The following RNF130 variants were observed in gnomAD, a reference collection of about 807,000 sequenced individuals.
RNF130 encodes the protein ring finger protein 130.
A neutral mutation model predicts 44.6 loss-of-function variants in RNF130; 21 were observed. That is an observed-to-expected ratio of 0.47 (90% CI 0.33 to 0.68). The LOEUF is 0.68. RNF130 is among the 30% of genes least tolerant of loss of function. The pLI is 0.02. For missense variants in RNF130, 479 were observed against 560.6 expected (o/e 0.85, Z 1.47); for synonymous variants, 214 against 210.4 (o/e 1.02, Z -0.15).
At chr5:180,061,543 A>G (rs1418700624) in intron 1 of RNF130, among the ~76,000 whole-genome samples, 4 of 152,184 alleles carry the variant, frequency 2.6e-5, no homozygotes, top group African/African-American at 9.7e-5. Flanking sequence ...AACCACCTCC[A>G]GCCCCTCTCC....
At chr5:180,018,300 AAAAAAAAAGAAAAGAAAAG>A (rs1017921060) in intron 2 of RNF130, among the ~76,000 whole-genome samples, 17 of 152,058 alleles carry the variant, frequency 1.1e-4, no homozygotes, top group Admixed American at 3.9e-4. Flanking sequence ...ATCTCAAAAA[AAAAAAAAAGAAAAGAAAAG>A]AAAAAAAGAA....
At chr5:179,918,051 T>C (rs1254310322) in exon 8 of RNF130, 2 of 152,048 alleles carry the variant, frequency 1.3e-5, no homozygotes, top group Non-Finnish European at 2.9e-5. Flanking sequence ...CAAATCATCC[T>C]CTCTGTTCCT....
intron 2 of RNF130, among the ~76,000 whole-genome samples, chr5:180,032,215 ATTTT>A (rs777414950): frequency 1.3e-4 from 20 of 152,024 alleles, no homozygotes; most frequent in Non-Finnish European, 2.6e-4. Flanking sequence ...ATAAAATCTA[ATTTT>A]TTTTATAAAC....
In RNF130 at chr5:179,955,471, A is replaced by T; in HGVS notation, c.*183T>A. ...ACAGGTCTGGTTAATAAGACTCAACAGCACAGACTTTTTATTTTATTATTT... is the reference window on the plus strand; with the variant it reads ...ACAGGTCTGGTTAATAAGACTCAACTGCACAGACTTTTTATTTTATTATTT... On this transcript the variant is annotated 3_prime_UTR_variant, in exon 9 of 9. Coordinates refer to ENST00000521389, the MANE Select transcript of RNF130 (RefSeq NM_018434.6). The T allele has an allele frequency of 1.9e-6, 1 of 528,726 alleles. No homozygotes were observed. Among genetic ancestry groups the T allele is most frequent in the Non-Finnish European group, 3.3e-6 (1 of 299,032 alleles). The allele number at this position is 528,726 out of a possible 1,614,324, so 32.8% of individuals were successfully genotyped here. A position where few individuals can be genotyped will look rare whatever the true frequency, so the allele number is the denominator to read the frequency against.
At chr5:179,990,347 T>C (rs1763052768) in intron 3 of RNF130, among the ~76,000 whole-genome samples, 1 of 152,236 alleles carries the variant, frequency 6.6e-6, no homozygotes, top group African/African-American at 2.4e-5. Context: ...TCATCATTTC[T>C]TCTATGCTCT....
intron 1 of RNF130, among the ~76,000 whole-genome samples, chr5:180,045,799 G>C (rs1252046275): frequency 3.9e-5 from 6 of 152,228 alleles, no homozygotes; most frequent in Non-Finnish European, 7.3e-5. Flanking sequence ...GCTAGACACA[G>C]AGCAGTGACT....
chr5:179,923,039 A>C (rs1582121606), intron 7 of RNF130, among the ~76,000 whole-genome samples: 1 of 152,344 alleles, frequency 6.6e-6, no homozygotes, highest in East Asian at 1.9e-4. Flanking sequence ...GAAGATTAAA[A>C]GTTTCAAATT....
chr5:180,005,175 C>G (rs1332962794), intron 3 of RNF130, among the ~76,000 whole-genome samples: 1 of 152,164 alleles, frequency 6.6e-6, no homozygotes, highest in East Asian at 1.9e-4. Context: ...TGCCTGTAAT[C>G]CCAGCACTTT....
intron 2 of RNF130, among the ~76,000 whole-genome samples, chr5:180,026,509 A>C (rs892452718): frequency 2.6e-5 from 4 of 152,238 alleles, no homozygotes; most frequent in African/African-American, 9.6e-5. Context: ...GTAACAAGTG[A>C]AACCACACAA....
intron 8 of RNF130, among the ~76,000 whole-genome samples, chr5:179,961,351 A>G (rs1006872868): frequency 2.0e-5 from 3 of 152,228 alleles, no homozygotes; most frequent in Non-Finnish European, 2.9e-5. Flanking sequence ...CAACTGTGAA[A>G]TCAACCCTCT....
chr5:179,973,192 C>A (rs532729594), intron 5 of RNF130, among the ~76,000 whole-genome samples: 38 of 152,302 alleles, frequency 2.5e-4, no homozygotes, highest in African/African-American at 8.9e-4. Context: ...GTGCAACTCA[C>A]CCAGAGATCT....
At chr5:179,958,972 C>T (rs776103807) in intron 8 of RNF130, among the ~76,000 whole-genome samples, 8 of 152,138 alleles carry the variant, frequency 5.3e-5, no homozygotes, top group African/African-American at 1.7e-4. Flanking sequence ...TTAGCTACCA[C>T]GCCAGGCCAC....
intron 7 of RNF130, among the ~76,000 whole-genome samples, chr5:179,923,330 T>C (rs1199355121): frequency 6.6e-6 from 1 of 152,244 alleles, no homozygotes; most frequent in Non-Finnish European, 1.5e-5. Flanking sequence ...TTGGCACCTT[T>C]ATGGAAAATC....
At chr5:180,036,162 T>A (rs1403661996) in intron 2 of RNF130, among the ~76,000 whole-genome samples, 1 of 152,212 alleles carries the variant, frequency 6.6e-6, no homozygotes, top group Non-Finnish European at 1.5e-5. Context: ...TTTTCCCCCT[T>A]AAAGTTGGTG....
chr5:179,964,898 C>T (rs550645907), intron 7 of RNF130, among the ~76,000 whole-genome samples: 135 of 152,288 alleles, frequency 8.9e-4, no homozygotes, highest in Non-Finnish European at 1.2e-3. Flanking sequence ...TCAGCATGAA[C>T]ATTCAAAAAC....
intron 8 of RNF130, among the ~76,000 whole-genome samples, chr5:179,961,294 T>C (rs1314667620): frequency 6.6e-6 from 1 of 152,168 alleles, no homozygotes; most frequent in Non-Finnish European, 1.5e-5. Flanking sequence ...ATGAATATTG[T>C]CCTTCGGTGG....
intron 2 of RNF130, among the ~76,000 whole-genome samples, chr5:180,021,013 C>CA (rs1763858472): frequency 7.0e-6 from 1 of 142,318 alleles, no homozygotes; most frequent in East Asian, 2.1e-4. Flanking sequence ...GACGGAGTCT[C>CA]ACTCTGTCGC....
At chr5:180,033,043 G>C (rs1764167058) in intron 2 of RNF130, among the ~76,000 whole-genome samples, 1 of 151,998 alleles carries the variant, frequency 6.6e-6, no homozygotes, top group South Asian at 2.1e-4. Context: ...GCACCATCTG[G>C]GCTCACCACA....
chr5:179,951,769 A>G (rs1052283947), downstream of RNF130, among the ~76,000 whole-genome samples: 6 of 152,164 alleles, frequency 3.9e-5, no homozygotes, highest in African/African-American at 1.4e-4. Context: ...AACAGAAGGA[A>G]ATTTGTGAAA....
Sources: allele counts gnomAD v4.1 joint callset (sites outside exome capture counted in the v4.1 genomes callset), GRCh38; gene constraint gnomAD v4.1.1; transcripts MANE v1.5; gene names NCBI Gene and HGNC (gene_info 2026-07-23, HGNC 2026-07-21).